The following PUS7 variants were observed in gnomAD, a reference collection of about 807,000 sequenced individuals.
PUS7 encodes the protein pseudouridine synthase 7, also known as pseudouridylate synthase 7 homolog.
A neutral mutation model predicts 79.8 loss-of-function variants in PUS7; 48 were observed. That is an observed-to-expected ratio of 0.60 (90% CI 0.48 to 0.76). The LOEUF is 0.76. Ranked by LOEUF, PUS7 falls within the 30% of genes least tolerant of loss-of-function variation. PUS7 has a pLI of 0.00. For synonymous variants in PUS7, 286 were observed against 272.2 expected (o/e 1.05, Z -0.50); for missense variants, 729 against 797.6 (o/e 0.91, Z 1.04).
At chr7:105,506,590 T>A (rs1825473172) in intron 2 of PUS7, among the ~76,000 whole-genome samples, 1 of 151,930 alleles carries the variant, frequency 6.6e-6, no homozygotes, top group African/African-American at 2.4e-5. Context: ...GCCCAGCTAA[T>A]TTTTGTATTT....
chr7:105,508,603 C>T (rs530323177), intron 1 of PUS7, 59 bp from the exon 2 acceptor site: 99 of 1,524,344 alleles, frequency 6.5e-5, no homozygotes, highest in South Asian at 2.4e-4. Context: ...TCAGGCCGGG[C>T]GCGGTGGCTC....
chr7:105,496,357 C>T (rs141250005), intron 5 of PUS7, among the ~76,000 whole-genome samples: 42 of 151,584 alleles, frequency 2.8e-4, no homozygotes, highest in East Asian at 1.9e-3. Context: ...ACTTTATAGA[C>T]GCTGTACAAT....
intron 1 of PUS7, among the ~76,000 whole-genome samples, chr7:105,509,896 T>C (rs1825638676): frequency 6.6e-6 from 1 of 152,226 alleles, no homozygotes; most frequent in Admixed American, 6.5e-5. Flanking sequence ...GGAGAGGGTC[T>C]AGAAGTGGTG....
chr7:105,487,199 G>A (rs1003221126), intron 7 of PUS7, among the ~76,000 whole-genome samples: 1 of 151,976 alleles, frequency 6.6e-6, no homozygotes, highest in Non-Finnish European at 1.5e-5. Context: ...CTTCAAGAAC[G>A]TTTCCATCAC....
chr7:105,466,258 ATTC>A (rs1345659341), intron 12 of PUS7, among the ~76,000 whole-genome samples: 7 of 152,042 alleles, frequency 4.6e-5, no homozygotes, highest in Admixed American at 2.0e-4. Flanking sequence ...AGTAAAAGAA[ATTC>A]TTTTTTTGTT....
intron 7 of PUS7, among the ~76,000 whole-genome samples, chr7:105,485,359 G>A (rs1562801140): frequency 2.6e-5 from 4 of 152,088 alleles, no homozygotes; most frequent in Admixed American, 1.3e-4. Flanking sequence ...ACAGGCATGC[G>A]GCACCATGCC....
chr7:105,516,349 C>G (rs117389009), intron 1 of PUS7, among the ~76,000 whole-genome samples: 1 of 152,130 alleles, frequency 6.6e-6, no homozygotes, highest in Admixed American at 6.6e-5. Context: ...AGCATATTTA[C>G]TAGAAGAACT....
intron 9 of PUS7, among the ~76,000 whole-genome samples, chr7:105,480,138 G>C (rs1158890092): frequency 2.0e-5 from 3 of 152,168 alleles, no homozygotes; most frequent in African/African-American, 4.8e-5. Context: ...GATTACTGTT[G>C]AATCACTTAC....
At position 105,481,155 on chromosome 7, in the gene PUS7, G is replaced by T. The variant is rs771754081; in HGVS notation, c.1072C>A (p.Gln358Lys). The change falls in exon 9 of 16, where the codon CAA (glutamine) becomes AAA (lysine). Residue 358 changes from glutamine (Q) to lysine (K), a missense_variant. Gln to Lys is a moderately conservative substitution (Grantham distance 53, BLOSUM62 1). Coordinates refer to ENST00000469408, the MANE Select transcript of PUS7 (RefSeq NM_019042.5). The stretch of plus-strand genomic sequence containing the variant: ...AGAGAGTTCATAGCTTGCTGTACTT[G>T]GTCATCAGTTCCTGTTATATTTCTA... ...VLRNITGTDD[Q>K]VQQAMNSLKE... The T allele has an allele frequency of 3.1e-6, 5 of 1,609,196 alleles. No individual in the cohort carries two copies. Among genetic ancestry groups the T allele is most frequent in the Non-Finnish European group, 4.2e-6 (5 of 1,178,062 alleles).
chr7:105,475,076 T>G (rs1032468355), intron 9 of PUS7, among the ~76,000 whole-genome samples: 2 of 152,224 alleles, frequency 1.3e-5, no homozygotes, highest in African/African-American at 4.8e-5. Context: ...TTTCAACACC[T>G]TTAAGATGCT....
rs181216168 is a variant in PUS7, at chr7:105,501,726, C to T, written c.730+694G>A. Among the ~76,000 whole-genome samples, 262 of 151,972 alleles carry T rather than the reference C, an allele frequency of 1.7e-3. 2 individuals are homozygous for T. Among genetic ancestry groups the T allele is most frequent in the African/African-American group, 5.9e-3 (245 of 41,452 alleles). ...ATCCTAGCACTTTGGGAGGCCGAGA[C>T]GGGTGGATCACGAGGTCAGGAGATC... On this transcript the variant is annotated intron_variant, in intron 5 of 15. Coordinates refer to ENST00000469408, the MANE Select transcript of PUS7 (RefSeq NM_019042.5).
In PUS7 at chr7:105,472,171, T is replaced by A; in HGVS notation, c.1198A>T (p.Thr400Ser). The change falls in exon 10 of 16, where the codon ACA becomes TCA. Residue 400 changes from threonine to serine, a missense_variant. By Grantham distance (58) the Thr-to-Ser change is moderately conservative (BLOSUM62 1). Transcript: ENST00000469408. ...VGRAILQNSWTEVMDLILKPR... is the reference protein window; with the variant it reads ...VGRAILQNSWSEVMDLILKPR... ...TTCAATATTAAATCCATGACTTCTG[T>A]CCAGGAATTTTGTAGTATAGCTCTA... The A allele has an allele frequency of 6.3e-7, 1 of 1,599,958 alleles. No homozygotes were observed. Among genetic ancestry groups the A allele is most frequent in the Non-Finnish European group, 8.6e-7 (1 of 1,168,830 alleles).
At chr7:105,474,021 A>G (rs111240660) in intron 9 of PUS7, among the ~76,000 whole-genome samples, 4,422 of 152,300 alleles carry the variant, frequency 0.029, 219 homozygotes, top group African/African-American at 0.1. Flanking sequence ...TACAGAAATT[A>G]TATTTTGTGT....
chr7:105,512,175 C>A (rs1008121522), intron 1 of PUS7, among the ~76,000 whole-genome samples: 1 of 124,148 alleles, frequency 8.1e-6, no homozygotes, highest in African/African-American at 2.9e-5. Flanking sequence ...AAAAAAAAAT[C>A]CTTTGAAAGA....
chr7:105,484,674 C>T (rs1824471705), intron 7 of PUS7, among the ~76,000 whole-genome samples: 2 of 151,532 alleles, frequency 1.3e-5, no homozygotes, highest in South Asian at 2.1e-4. Flanking sequence ...CAAAAATTAG[C>T]CGGGTGTGGT....
chr7:105,511,918 G>T (rs1293017439), intron 1 of PUS7, among the ~76,000 whole-genome samples: 4 of 151,776 alleles, frequency 2.6e-5, no homozygotes, highest in African/African-American at 9.7e-5. Flanking sequence ...GGCTGAGGCG[G>T]GTGGATCACA....
At chr7:105,494,738 G>C (rs1296804318) in intron 6 of PUS7, among the ~76,000 whole-genome samples, 1 of 151,998 alleles carries the variant, frequency 6.6e-6, no homozygotes, top group African/African-American at 2.4e-5. Context: ...AGTACTTTGG[G>C]AGGCTGAAGT....
chr7:105,462,795 C>A, intron 13 of PUS7, 45 bp from the exon 14 acceptor site: 2 of 1,576,672 alleles, frequency 1.3e-6, no homozygotes, highest in South Asian at 2.3e-5. Context: ...GCTTGTCAGT[C>A]AAGTTATCCT....
At chr7:105,478,027 T>C (rs957652464) in intron 9 of PUS7, among the ~76,000 whole-genome samples, 2 of 152,172 alleles carry the variant, frequency 1.3e-5, no homozygotes, top group Admixed American at 1.3e-4. Flanking sequence ...CAGGCTGGTC[T>C]TGAACTCCTG....
Sources: gnomAD v4.1 joint callset for allele counts (sites outside exome capture counted in the v4.1 genomes callset) on GRCh38, gnomAD v4.1.1 for gene constraint, MANE v1.5 for transcripts, NCBI Gene and HGNC (gene_info 2026-07-23, HGNC 2026-07-21) for gene names.